Variants in RNF2 observed in about 807,000 individuals in gnomAD.
RNF2 encodes the protein ring finger protein 2.
Under a neutral mutation model 37.2 loss-of-function variants are expected in RNF2, and 6 were observed. The ratio of observed to expected loss-of-function variants is 0.16; its 90% CI spans 0.09 to 0.32. The LOEUF (loss-of-function observed/expected upper bound fraction) is 0.32, where lower values mean the gene tolerates loss of function less well. Ranked by LOEUF, RNF2 falls within the 10% of genes least tolerant of loss-of-function variation. The probability of loss-of-function intolerance (pLI) is 1.00; values close to 1 mark genes in which losing one functional copy is unlikely to be tolerated. For missense variants in RNF2, 251 were observed against 404.0 expected (o/e 0.62, Z 3.25); for synonymous variants, 133 against 132.7 (o/e 1.00, Z -0.02).
intron 2 of RNF2, among the ~76,000 whole-genome samples, chr1:185,091,009 T>C (rs796741459): frequency 9.3e-4 from 141 of 152,360 alleles, no homozygotes; most frequent in African/African-American, 3.1e-3. Context: ...AATTGCTCTG[T>C]GGAAAAGAAT....
chr1:185,062,843 G>T (rs1446875246), intron 1 of RNF2, among the ~76,000 whole-genome samples: 3 of 150,218 alleles, frequency 2.0e-5, no homozygotes, highest in Non-Finnish European at 1.5e-5. Context: ...ATAAAGCTGT[G>T]AAAAGATACT....
intron 1 of RNF2, among the ~76,000 whole-genome samples, chr1:185,065,206 C>A (rs1650764981): frequency 6.6e-6 from 1 of 152,040 alleles, no homozygotes; most frequent in African/African-American, 2.4e-5. Flanking sequence ...ATGCACCAGT[C>A]AGCACTCTAA....
At chr1:185,050,662 T>C (rs1216545960) in intron 1 of RNF2, among the ~76,000 whole-genome samples, 1 of 152,214 alleles carries the variant, frequency 6.6e-6, no homozygotes, top group Non-Finnish European at 1.5e-5. Flanking sequence ...CCAAGGTCAT[T>C]AGAAAATAGT....
chr1:185,089,385 A>G (rs1313364281), intron 2 of RNF2, among the ~76,000 whole-genome samples: 2 of 152,104 alleles, frequency 1.3e-5, no homozygotes, highest in African/African-American at 4.8e-5. Context: ...ATTTTTTTAT[A>G]AGGGACTTGA....
intron 1 of RNF2, among the ~76,000 whole-genome samples, chr1:185,059,131 G>A (rs1240617982): frequency 1.3e-5 from 2 of 151,840 alleles, no homozygotes; most frequent in African/African-American, 4.8e-5. Context: ...CTGGCGACAA[G>A]GCCAGAAGAG....
chr1:185,076,265 G>GTTT (rs1557967374), intron 1 of RNF2, among the ~76,000 whole-genome samples: 12 of 39,552 alleles, frequency 3.0e-4, no homozygotes, highest in South Asian at 2.0e-3. Context: ...TCTTTTATGG[G>GTTT]TTGTTTTTTT....
chr1:185,062,075 T>C (rs182678040), intron 1 of RNF2, among the ~76,000 whole-genome samples: 5 of 152,344 alleles, frequency 3.3e-5, no homozygotes, highest in Non-Finnish European at 7.3e-5. Flanking sequence ...GCAAATATTT[T>C]ACAAGGCTGA....
intron 1 of RNF2, among the ~76,000 whole-genome samples, chr1:185,064,165 CAT>C (rs1167700966): frequency 6.6e-6 from 1 of 152,158 alleles, no homozygotes; most frequent in Non-Finnish European, 1.5e-5. Flanking sequence ...AAATTTATAT[CAT>C]ATTCTAGCCC....
chr1:185,096,136 A>T (rs1651903850), intron 4 of RNF2, among the ~76,000 whole-genome samples: 1 of 152,220 alleles, frequency 6.6e-6, no homozygotes, highest in Non-Finnish European at 1.5e-5. Context: ...ATTTATGGTC[A>T]AATAACTTTT....
chr1:185,072,951 CAAAA>C (rs531414077), intron 1 of RNF2, among the ~76,000 whole-genome samples: 1 of 151,394 alleles, frequency 6.6e-6, no homozygotes, highest in African/African-American at 2.4e-5. Context: ...AAAAAACAAA[CAAAA>C]AAACATAGTG....
intron 1 of RNF2, among the ~76,000 whole-genome samples, chr1:185,080,071 G>A (rs1651300496): frequency 6.6e-6 from 1 of 152,140 alleles, no homozygotes. Flanking sequence ...TCTTGTCACT[G>A]GAAAAAATCC....
chr1:185,068,501 A>T (rs889969298), intron 1 of RNF2, among the ~76,000 whole-genome samples: 3 of 152,254 alleles, frequency 2.0e-5, no homozygotes, highest in African/African-American at 7.2e-5. Flanking sequence ...AGCATGAAGC[A>T]GTGTGACCAC....
At chr1:185,067,820 C>T (rs1650843760) in intron 1 of RNF2, among the ~76,000 whole-genome samples, 1 of 149,606 alleles carries the variant, frequency 6.7e-6, no homozygotes, top group African/African-American at 2.5e-5. Context: ...AAACGATTCT[C>T]CTACCTCAGC....
rs1217073418 is a variant in RNF2 at position 185,099,771 on chromosome 1, T to C, written c.738-20T>C. The C allele has an allele frequency of 1.3e-6, 2 of 1,588,952 alleles. No individual in the cohort carries two copies. Among genetic ancestry groups the C allele is most frequent in the Admixed American group, 1.8e-5 (1 of 55,194 alleles). On this transcript the variant is annotated intron_variant, in intron 5 of 6. Transcript: ENST00000367510. ...TTGGCATATTCTAGAAATGAAATTT[T>C]TAATGATTTATTCTTCTAGATACAT... is the stretch of plus-strand genomic sequence containing the variant.
chr1:185,097,351 G>A (rs558144078), intron 4 of RNF2, among the ~76,000 whole-genome samples: 1 of 152,272 alleles, frequency 6.6e-6, no homozygotes, highest in African/African-American at 2.4e-5. Context: ...CAGGGAGGAA[G>A]TACTTACTAT....
At chr1:185,075,917 A>G (rs1651136431) in intron 1 of RNF2, among the ~76,000 whole-genome samples, 1 of 152,224 alleles carries the variant, frequency 6.6e-6, no homozygotes, top group Non-Finnish European at 1.5e-5. Context: ...CCTATATAGA[A>G]CGCATTGTTT....
intron 1 of RNF2, among the ~76,000 whole-genome samples, chr1:185,045,877 G>C (rs1045992600): frequency 6.6e-6 from 1 of 152,194 alleles, no homozygotes; most frequent in Non-Finnish European, 1.5e-5. Flanking sequence ...GGTCGTGGGA[G>C]GGAAGGGAGC....
chr1:185,102,522 GCTGT>G lies in RNF2; in HGVS notation c.*2224_*2227del, dbSNP rs1271193886. 2.6e-5 allele frequency: 4 copies of G among 152,132 alleles called. No homozygotes were observed. Among genetic ancestry groups the G allele is most frequent in the Non-Finnish European group, 5.9e-5 (4 of 67,996 alleles). The allele number at this position is 152,132 out of a possible 1,614,324, so 9.4% of individuals were successfully genotyped here. ...TTCACAATGTTGTGTAATGATCACC[GCTGT>G]CTACTTGTAAAACTTTTTCATCACC... On this transcript the variant is annotated 3_prime_UTR_variant, in exon 7 of 7. Coordinates refer to ENST00000367510, the MANE Select transcript of RNF2 (RefSeq NM_007212.4).
intron 1 of RNF2, among the ~76,000 whole-genome samples, chr1:185,074,468 A>G (rs1452837015): frequency 6.6e-6 from 1 of 152,128 alleles, no homozygotes; most frequent in Non-Finnish European, 1.5e-5. Flanking sequence ...TAGAGTAACC[A>G]TATTAGCATA....
Sources: gnomAD v4.1 joint callset for allele counts (sites outside exome capture counted in the v4.1 genomes callset) on GRCh38, gnomAD v4.1.1 for gene constraint, MANE v1.5 for transcripts, NCBI Gene and HGNC (gene_info 2026-07-23, HGNC 2026-07-21) for gene names.